TRAM2: variants seen among roughly 807,000 people sequenced by gnomAD.
The protein encoded by TRAM2 is translocation associated membrane protein 2.
TRAM2 carries 12 observed loss-of-function variants against 51.0 expected under a neutral mutation model. That is an observed-to-expected ratio of 0.24 (90% CI 0.15 to 0.38). TRAM2 has a LOEUF of 0.38. Ranked by LOEUF, TRAM2 falls within the 10% of genes least tolerant of loss-of-function variation. The pLI is 1.00. For synonymous variants in TRAM2, 175 were observed against 179.4 expected, an observed-to-expected ratio of 0.98 and a Z score of 0.20; for missense variants, 361 against 462.0, an observed-to-expected ratio of 0.78 and a Z score of 2.00.
intron 2 of TRAM2, among the ~76,000 whole-genome samples, chr6:52,520,902 G>A (rs1310170081): frequency 6.6e-6 from 1 of 150,378 alleles, no homozygotes; most frequent in African/African-American, 2.4e-5. Flanking sequence ...CTCCTTACCT[G>A]CTATCCTCCT....
At chr6:52,574,069 C>T (rs1767724038) in intron 1 of TRAM2, among the ~76,000 whole-genome samples, 2 of 152,162 alleles carry the variant, frequency 1.3e-5, no homozygotes. Context: ...CCTCTTCCTG[C>T]CGTCACTTCT....
Position 52,507,639 on chromosome 6 carries a change from G to T in TRAM2, c.556-16C>A, listed in dbSNP as rs371698794. ...GAATTTCCTCCTGGAAACAAGAGAA[G>T]CAGATGGTAAATTTGCTAATTCCCT... On this transcript the variant is annotated splice_polypyrimidine_tract_variant and intron_variant, in intron 6 of 10. Coordinates refer to ENST00000182527, the MANE Select transcript of TRAM2 (RefSeq NM_012288.4). 1 of 1,613,770 alleles carries T rather than the reference G, an allele frequency of 6.2e-7. No homozygotes were observed. The highest frequency in any genetic ancestry group is 1.7e-5 in the Admixed American group (1 of 60,002).
At chr6:52,505,824 A>T (rs992206014) in intron 8 of TRAM2, 82 bp from the exon 9 acceptor site, 1 of 1,519,530 alleles carries the variant, frequency 6.6e-7, no homozygotes, top group Non-Finnish European at 8.8e-7. Context: ...AGAGACCCCG[A>T]GTGGGAAGAG....
chr6:52,576,753 A>T, intron 1 of TRAM2, 43 bp downstream of exon 1: 1 of 1,602,628 alleles, frequency 6.2e-7, no homozygotes, highest in South Asian at 1.1e-5. Flanking sequence ...GGTGCACGAC[A>T]GGGGGCACTG....
intron 1 of TRAM2, among the ~76,000 whole-genome samples, chr6:52,555,410 A>G (rs529598483): frequency 1.3e-5 from 2 of 152,360 alleles, no homozygotes; most frequent in South Asian, 2.1e-4. Flanking sequence ...GCATTTCATT[A>G]AAACAAATAT....
rs1767305167 is a variant in TRAM2 at position 52,551,352 on chromosome 6, A to G, written c.121-15506T>C. ...GGAAGGCAAAGGATCTTTTACCTTT[A>G]TGTGCTCAGAGTGCCACACAGGGTT... On this transcript the variant is annotated intron_variant, in intron 1 of 10. Transcript: ENST00000182527. 2.0e-5 allele frequency among the ~76,000 whole-genome samples: 3 copies of G among 152,308 alleles called. No individual in the cohort carries two copies. The South Asian group carries it at 6.2e-4, about 32-fold the overall frequency.
chr6:52,574,118 G>A (rs755303859), intron 1 of TRAM2, among the ~76,000 whole-genome samples: 7 of 151,968 alleles, frequency 4.6e-5, no homozygotes, highest in South Asian at 2.1e-4. Context: ...ACCTACCATC[G>A]CACCATATGC....
chr6:52,551,671 G>A (rs1767311977), intron 1 of TRAM2, among the ~76,000 whole-genome samples: 1 of 152,246 alleles, frequency 6.6e-6, no homozygotes, highest in Non-Finnish European at 1.5e-5. Flanking sequence ...GTCTCTGCCA[G>A]CTGGCAACCT....
rs189107930 is a variant in TRAM2 at position 52,507,610 on chromosome 6, C to T, written c.569G>A (p.Arg190His). 14 of 1,613,882 alleles carry T rather than the reference C, an allele frequency of 8.7e-6. No homozygotes were observed. Among genetic ancestry groups the T allele is most frequent in the Admixed American group, 3.3e-5 (2 of 59,990 alleles). ...GTACAGGCAAATATACTGGAGCTGG[C>T]GGGGAATTTCCTCCTGGAAACAAGA... ...FQKVRKEEIPRQLQYICLYLV... is the reference protein window; with the variant it reads ...FQKVRKEEIPHQLQYICLYLV... Residue 190 changes from arginine to histidine, a missense_variant, in exon 7 of 11, where the codon CGC becomes CAC. By Grantham distance (29) the Arg-to-His change is conservative. Transcript: ENST00000182527.
intron 2 of TRAM2, chr6:52,517,045 T>G (rs1266852268): frequency 6.4e-6 from 2 of 314,550 alleles, no homozygotes; most frequent in Non-Finnish European, 1.2e-5. Context: ...CCAATCCCCA[T>G]CACTGGCTCT....
chr6:52,546,280 G>A (rs1182275834), intron 1 of TRAM2, among the ~76,000 whole-genome samples: 2 of 152,216 alleles, frequency 1.3e-5, no homozygotes, highest in African/African-American at 2.4e-5. Context: ...GTTGGCAGAA[G>A]GCAGGTCCTA....
At chr6:52,560,603 A>T (rs1457518201) in intron 1 of TRAM2, among the ~76,000 whole-genome samples, 2 of 152,232 alleles carry the variant, frequency 1.3e-5, no homozygotes, top group African/African-American at 4.8e-5. Flanking sequence ...CCGTTAGAGC[A>T]GGAGCTGTGT....
At chr6:52,504,862 A>C (rs1289016179) in intron 9 of TRAM2, 108 bp from the exon 10 acceptor site, 5 of 994,524 alleles carry the variant, frequency 5.0e-6, no homozygotes, top group Non-Finnish European at 7.3e-6. Context: ...CCCATGGCTT[A>C]TCACGTCCGC....
At chr6:52,536,816 G>A (rs1447218803) in intron 1 of TRAM2, among the ~76,000 whole-genome samples, 1 of 152,302 alleles carries the variant, frequency 6.6e-6, no homozygotes, top group African/African-American at 2.4e-5. Context: ...GCAAGGCCAG[G>A]TGAGGAGGCA....
At chr6:52,518,411 C>T (rs1350260059) in intron 2 of TRAM2, among the ~76,000 whole-genome samples, 3 of 152,156 alleles carry the variant, frequency 2.0e-5, no homozygotes, top group Non-Finnish European at 4.4e-5. Context: ...TGGACTTTAT[C>T]CTGAAGGCAA....
At chr6:52,542,741 G>A (rs368008729) in intron 1 of TRAM2, among the ~76,000 whole-genome samples, 286 of 152,222 alleles carry the variant, frequency 1.9e-3, no homozygotes, top group African/African-American at 6.7e-3. Flanking sequence ...AAAAAAACTC[G>A]AAATTTGAAT....
At chr6:52,530,860 C>G (rs771766131) in intron 2 of TRAM2, among the ~76,000 whole-genome samples, 2 of 151,930 alleles carry the variant, frequency 1.3e-5, no homozygotes, top group Non-Finnish European at 2.9e-5. Flanking sequence ...GCTGGGAAGA[C>G]GAGAAAGGAG....
chr6:52,567,996 T>C (rs1202471049), intron 1 of TRAM2, among the ~76,000 whole-genome samples: 4 of 152,220 alleles, frequency 2.6e-5, no homozygotes, highest in Non-Finnish European at 4.4e-5. Context: ...TTTATACACA[T>C]TTTCCAGTCC....
intron 2 of TRAM2, chr6:52,524,223 A>C (rs772912442): frequency 2.0e-5 from 3 of 152,144 alleles, no homozygotes; most frequent in Non-Finnish European, 4.4e-5. Flanking sequence ...CATTTTTAGA[A>C]AGTTGATGAC....
Sources: gnomAD v4.1 joint callset for allele counts (sites outside exome capture counted in the v4.1 genomes callset) on GRCh38, gnomAD v4.1.1 for gene constraint, MANE v1.5 for transcripts, NCBI Gene and HGNC (gene_info 2026-07-23, HGNC 2026-07-21) for gene names.